Variants in ADAMTSL3 observed in about 807,000 individuals in gnomAD.
ADAMTSL3 encodes ADAMTS-like protein 3.
ADAMTSL3 carries 128 observed loss-of-function variants against 201.7 expected under a neutral mutation model. The ratio of observed to expected loss-of-function variants is 0.63; its 90% CI spans 0.55 to 0.73. ADAMTSL3 has a LOEUF of 0.73. Ranked by LOEUF, ADAMTSL3 falls within the 30% of genes least tolerant of loss-of-function variation. The pLI, the probability that ADAMTSL3 is intolerant of heterozygous loss-of-function variation, is 0.00. For missense variants in ADAMTSL3, 1,990 were observed against 2,119.6 expected, an observed-to-expected ratio of 0.94 and a Z score of 1.20; for synonymous variants, 738 against 748.4, an observed-to-expected ratio of 0.99 and a Z score of 0.23.
rs956771196 is a variant in ADAMTSL3 at position 83,979,523 on chromosome 15, G to A, written c.2645-2750G>A. ...TAATAAAAAAAGGAGAACAAACAAC[G>A]TTAATATGTGATTGTGTCTTGAATT... On this transcript the variant is annotated intron_variant, in intron 20 of 29. Transcript: ENST00000286744. Among the ~76,000 whole-genome samples the A allele has an allele frequency of 5.3e-5, 8 of 152,148 alleles. No individual in the cohort carries two copies. In the East Asian group the frequency reaches 1.3e-3, roughly 26 times the overall value.
At chr15:84,020,206 C>A (rs1596544590) in intron 25 of ADAMTSL3, among the ~76,000 whole-genome samples, 1 of 152,102 alleles carries the variant, frequency 6.6e-6, no homozygotes, top group East Asian at 1.9e-4. Flanking sequence ...CATGTCCTGC[C>A]TTGAACTGCC....
intron 15 of ADAMTSL3, among the ~76,000 whole-genome samples, chr15:83,908,538 T>C (rs1391146635): frequency 7.9e-5 from 12 of 152,224 alleles, no homozygotes; most frequent in Non-Finnish European, 1.8e-4. Flanking sequence ...GAATAACAGT[T>C]TTACTGGACA....
chr15:83,671,746 A>G (rs1228586868), intron 2 of ADAMTSL3, among the ~76,000 whole-genome samples: 2 of 152,064 alleles, frequency 1.3e-5, no homozygotes, highest in Admixed American at 1.3e-4. Context: ...CTTTAGCTCT[A>G]GTGGGGAGCA....
chr15:83,739,294 G>T (rs1044037193), intron 3 of ADAMTSL3, among the ~76,000 whole-genome samples: 2 of 151,348 alleles, frequency 1.3e-5, no homozygotes, highest in Non-Finnish European at 2.9e-5. Context: ...ATAGAATTTA[G>T]GGCCAAAGAT....
intron 16 of ADAMTSL3, among the ~76,000 whole-genome samples, chr15:83,920,842 A>C (rs2066128174): frequency 6.6e-6 from 1 of 152,294 alleles, no homozygotes; most frequent in South Asian, 2.1e-4. Flanking sequence ...AAATGTTTGA[A>C]AGTGCTAGTT....
At chr15:83,779,295 A>G (rs2063128272) in intron 4 of ADAMTSL3, among the ~76,000 whole-genome samples, 1 of 152,196 alleles carries the variant, frequency 6.6e-6, no homozygotes, top group East Asian at 1.9e-4. Flanking sequence ...CTCTACCCCA[A>G]AACAACAGAA....
chr15:83,858,689 A>C (rs4842836), intron 7 of ADAMTSL3, 77 bp from the exon 8 acceptor site: 1 of 1,151,830 alleles, frequency 8.7e-7, no homozygotes, highest in African/African-American at 1.6e-5. Context: ...AGACGCCCCC[A>C]GTTTTGATTG....
At chr15:83,764,858 T>C (rs2062866678) in intron 3 of ADAMTSL3, among the ~76,000 whole-genome samples, 2 of 152,134 alleles carry the variant, frequency 1.3e-5, no homozygotes, top group Admixed American at 6.5e-5. Context: ...ATATGGGATA[T>C]GTGGTGCTAG....
chr15:83,768,386 G>A (rs1727607655), intron 3 of ADAMTSL3, among the ~76,000 whole-genome samples: 1 of 152,120 alleles, frequency 6.6e-6, no homozygotes. Flanking sequence ...GCTGAAAAAC[G>A]AAGGAATGGA....
At position 83,693,058 on chromosome 15, in the gene ADAMTSL3, CT is replaced by C. The variant is rs1050060717; in HGVS notation, c.70-11322del. ...GCCAAATTGGGAAGAGCTGGTAATG[CT>C]TTTTTTTTCTTTCTTTCTTCTTTTT... On this transcript the variant is annotated intron_variant, in intron 2 of 29. Transcript: ENST00000286744. Among the ~76,000 whole-genome samples, 27 of 151,270 alleles carry C rather than the reference CT, an allele frequency of 1.8e-4. 1 individual carries two copies. The highest frequency in any genetic ancestry group is 1.6e-3 in the Admixed American group (24 of 15,182).
chr15:83,950,459 C>G (rs1045773318), intron 19 of ADAMTSL3, among the ~76,000 whole-genome samples: 2 of 151,928 alleles, frequency 1.3e-5, no homozygotes, highest in Non-Finnish European at 2.9e-5. Context: ...CAGTTTTGTT[C>G]TTTTTAGTCA....
intron 23 of ADAMTSL3, among the ~76,000 whole-genome samples, chr15:83,993,585 A>T (rs2067623746): frequency 6.6e-6 from 1 of 152,164 alleles, no homozygotes; most frequent in South Asian, 2.1e-4. Flanking sequence ...TTATAGCCAA[A>T]CATGTTTTGT....
intron 2 of ADAMTSL3, among the ~76,000 whole-genome samples, chr15:83,696,281 C>T (rs1330692238): frequency 6.6e-6 from 1 of 152,238 alleles, no homozygotes; most frequent in Non-Finnish European, 1.5e-5. Context: ...ATGATCACCG[C>T]TCACTGCAGT....
chr15:83,672,830 C>CT (rs2061345796), intron 2 of ADAMTSL3, among the ~76,000 whole-genome samples: 1 of 152,202 alleles, frequency 6.6e-6, no homozygotes, highest in Non-Finnish European at 1.5e-5. Flanking sequence ...CAGGCCTTTG[C>CT]TGGGGGCCTG....
intron 17 of ADAMTSL3, among the ~76,000 whole-genome samples, chr15:83,941,536 A>G (rs1481172251): frequency 6.6e-6 from 1 of 152,138 alleles, no homozygotes; most frequent in African/African-American, 2.4e-5. Flanking sequence ...TACTCTACAA[A>G]TTATTTTATG....
At chr15:83,969,818 A>G (rs183640084) in intron 19 of ADAMTSL3, among the ~76,000 whole-genome samples, 3 of 152,370 alleles carry the variant, frequency 2.0e-5, no homozygotes, top group East Asian at 1.9e-4. Flanking sequence ...CATAGTGCCT[A>G]TAGGCACAGT....
intron 17 of ADAMTSL3, among the ~76,000 whole-genome samples, chr15:83,937,037 AAG>A (rs2066473166): frequency 6.6e-6 from 1 of 151,048 alleles, no homozygotes; most frequent in Admixed American, 6.6e-5. Context: ...TTGCAGAGAA[AAG>A]AGAACATTTA....
Position 83,988,765 on chromosome 15 carries a change from C to G in ADAMTSL3, c.3791C>G (p.Ser1264Cys). Reference protein sequence around the residue: ...TRKEQGIYECSVANHLGSDVE... With the variant: ...TRKEQGIYECCVANHLGSDVE... ...AAAGAACAAGGCATATATGAATGTT[C>G]TGTAGCTAATCATCTTGGTTCAGAT... The change falls in exon 22 of 30, where the codon TCT becomes TGT. Residue 1264 changes from serine (S) to cysteine (C), a missense_variant. By Grantham distance (112) the Ser-to-Cys change is moderately radical (BLOSUM62 -1). Coordinates refer to ENST00000286744, the MANE Select transcript of ADAMTSL3 (RefSeq NM_207517.3). The G allele has an allele frequency of 2.5e-6, 4 of 1,608,504 alleles. No individual in the cohort carries two copies. The highest frequency in any genetic ancestry group is 2.5e-6 in the Non-Finnish European group (3 of 1,176,916).
At chr15:83,734,557 C>T (rs59195990) in intron 3 of ADAMTSL3, among the ~76,000 whole-genome samples, 13,502 of 152,206 alleles carry the variant, frequency 0.089, 780 homozygotes, top group East Asian at 0.28. Flanking sequence ...TTCAGCATCC[C>T]AGCACTTGTG....
Sources: gnomAD v4.1 joint callset for allele counts (sites outside exome capture counted in the v4.1 genomes callset) on GRCh38, gnomAD v4.1.1 for gene constraint, MANE v1.5 for transcripts, NCBI Gene and HGNC (gene_info 2026-07-23, HGNC 2026-07-21) for gene names.